The following SLC2A9 variants were observed in gnomAD, a reference collection of about 807,000 sequenced individuals.
The protein encoded by SLC2A9 is solute carrier family 2 member 9, also known as solute carrier family 2, facilitated glucose transporter member 9.
Under a neutral mutation model 50.6 loss-of-function variants are expected in SLC2A9, and 39 were observed. The ratio of observed to expected loss-of-function variants is 0.77; its 90% CI spans 0.60 to 1.01. The LOEUF (loss-of-function observed/expected upper bound fraction) is 1.01, where lower values mean the gene tolerates loss of function less well. SLC2A9 is among the 50% of genes least tolerant of loss of function. SLC2A9 has a pLI of 0.00. For missense variants in SLC2A9, 686 were observed against 677.6 expected, an observed-to-expected ratio of 1.01 and a Z score of -0.14; for synonymous variants, 324 against 276.9, an observed-to-expected ratio of 1.17 and a Z score of -1.69.
intron 10 of SLC2A9, among the ~76,000 whole-genome samples, chr4:9,848,944 C>T (rs1014678189): frequency 2.6e-5 from 4 of 152,286 alleles, no homozygotes; most frequent in Non-Finnish European, 5.9e-5. Context: ...CCTTGTGATC[C>T]GCCTGCCTCG....
chr4:9,844,247 C>T (rs1728588394), intron 10 of SLC2A9, among the ~76,000 whole-genome samples: 1 of 151,356 alleles, frequency 6.6e-6, no homozygotes, highest in Non-Finnish European at 1.5e-5. Context: ...TGTCCCTCAC[C>T]TTGAATTTAT....
chr4:9,879,172 G>T (rs1312681215), intron 10 of SLC2A9: 1 of 959,200 alleles, frequency 1.0e-6, no homozygotes, highest in Admixed American at 6.2e-5. Flanking sequence ...TGGGGGTGGG[G>T]ATACACTAGG....
intron 5 of SLC2A9, among the ~76,000 whole-genome samples, chr4:9,951,369 C>T (rs925942434): frequency 2.0e-5 from 3 of 152,018 alleles, no homozygotes; most frequent in Non-Finnish European, 2.9e-5. Context: ...AAGAGAAGCA[C>T]GCTGAAGGGT....
intron 3 of SLC2A9, among the ~76,000 whole-genome samples, chr4:9,817,616 T>A (rs1312789708): frequency 6.6e-6 from 1 of 152,174 alleles, no homozygotes; most frequent in African/African-American, 2.4e-5. Flanking sequence ...TTAAAACGTG[T>A]TTTAGAAACA....
intron 8 of SLC2A9, among the ~76,000 whole-genome samples, chr4:9,898,234 G>A (rs777085645): frequency 1.2e-4 from 18 of 152,156 alleles, no homozygotes; most frequent in Non-Finnish European, 2.5e-4. Context: ...AATGTTGCCT[G>A]CTAAATGATT....
At chr4:9,880,869 G>T (rs745844078) in intron 10 of SLC2A9, among the ~76,000 whole-genome samples, 2 of 152,184 alleles carry the variant, frequency 1.3e-5, no homozygotes, top group African/African-American at 2.4e-5. Context: ...GCTGCTCCAG[G>T]CCCCTGGCTG....
chr4:9,996,640 T>C lies in SLC2A9; in HGVS notation c.410+141A>G, dbSNP rs576698004. On this transcript the variant is annotated intron_variant, in intron 3 of 11. Coordinates refer to ENST00000264784, the MANE Select transcript of SLC2A9 (RefSeq NM_020041.3). The stretch of plus-strand genomic sequence containing the variant: ...CTTTGGACCTTGGTCTCTGATTTCT[T>C]CCCCTTTCCCCTTTGGGCATTTGAA... 2.1e-5 allele frequency: 22 copies of C among 1,052,612 alleles called. No individual in the cohort carries two copies. In the African/African-American group the frequency reaches 3.5e-4, roughly 17 times the overall value. The allele number at this position is 1,052,612 out of a possible 1,614,324, so 65.2% of individuals were successfully genotyped here. A position where few individuals can be genotyped will look rare whatever the true frequency, so the allele number is the denominator to read the frequency against.
At position 9,980,677 on chromosome 4, in the gene SLC2A9, C is replaced by T. The variant is rs751161148; in HGVS notation, c.596G>A (p.Gly199Asp). Residue 199 changes from glycine (G) to aspartate (D), a missense_variant, in exon 5 of 12, where the codon GGC (glycine) becomes GAC (aspartate). Coordinates refer to ENST00000264784, the MANE Select transcript of SLC2A9 (RefSeq NM_020041.3). ...GATGGCAGTCACCTGCCCCAGAGAG[C>T]CACGGATCTCCTTGGGTGAGATCTC... The part of the protein sequence containing the change: ...LSEISPKEIR[G>D]SLGQVTAIFI... 6.2e-7 allele frequency: 1 copy of T among 1,614,056 alleles called. No individual in the cohort carries two copies. The highest frequency in any genetic ancestry group is 8.5e-7 in the Non-Finnish European group (1 of 1,180,038).
chr4:9,971,880 G>A (rs1396038222), intron 5 of SLC2A9, among the ~76,000 whole-genome samples: 12 of 152,306 alleles, frequency 7.9e-5, no homozygotes, highest in South Asian at 2.1e-4. Flanking sequence ...AACCTTACAC[G>A]AGAAAATACT....
upstream of SLC2A9, among the ~76,000 whole-genome samples, chr4:10,024,730 G>A (rs1763696495): frequency 6.6e-6 from 1 of 152,190 alleles, no homozygotes; most frequent in South Asian, 2.1e-4. Flanking sequence ...ATCACTTCTG[G>A]AACTGACCTT....
intron 2 of SLC2A9, among the ~76,000 whole-genome samples, chr4:10,018,549 T>C (rs111597249): frequency 3.6e-5 from 4 of 110,664 alleles, no homozygotes; most frequent in Admixed American, 9.1e-5. Context: ...TCAAAGATGA[T>C]AGATAGATAG....
chr4:9,799,700 C>CCCCGA (rs1553813199), intron 3 of SLC2A9, among the ~76,000 whole-genome samples: 5 of 93,636 alleles, frequency 5.3e-5, no homozygotes, highest in Admixed American at 1.2e-4. Flanking sequence ...GTACCCCCCC[C>CCCCGA]CCACCCAACT....
At chr4:9,949,140 C>T (rs1310148786) in intron 5 of SLC2A9, among the ~76,000 whole-genome samples, 4 of 152,214 alleles carry the variant, frequency 2.6e-5, no homozygotes, top group Admixed American at 2.6e-4. Flanking sequence ...CATTAAAGCA[C>T]TTGTTATTCT....
At chr4:9,773,090 C>T (rs1717061181) in intron 1 of SLC2A9, among the ~76,000 whole-genome samples, 1 of 152,202 alleles carries the variant, frequency 6.6e-6, no homozygotes, top group Admixed American at 6.5e-5. Context: ...AGGTGGCAAG[C>T]TCCTGAGTTA....
chr4:9,919,605 T>A (rs939226567), intron 7 of SLC2A9, among the ~76,000 whole-genome samples: 1 of 152,116 alleles, frequency 6.6e-6, no homozygotes, highest in Non-Finnish European at 1.5e-5. Context: ...TCTCCCTCTC[T>A]CTGGGTTCAG....
At chr4:9,882,809 G>A (rs1374551015) in intron 10 of SLC2A9, among the ~76,000 whole-genome samples, 1 of 151,870 alleles carries the variant, frequency 6.6e-6, no homozygotes. Flanking sequence ...CAGAAACCAG[G>A]GAAATAAATG....
chr4:9,858,521 G>C (rs1731100238), intron 10 of SLC2A9, among the ~76,000 whole-genome samples: 1 of 152,136 alleles, frequency 6.6e-6, no homozygotes, highest in African/African-American at 2.4e-5. Flanking sequence ...TTGATGAGTA[G>C]AGACACTATG....
chr4:9,786,889 G>A (rs1171493015), intron 3 of SLC2A9, among the ~76,000 whole-genome samples: 1 of 152,180 alleles, frequency 6.6e-6, no homozygotes, highest in Non-Finnish European at 1.5e-5. Context: ...AGAGGCCAAA[G>A]ATGTTGCTAA....
chr4:9,774,788 T>TC (rs113358790), intron 1 of SLC2A9, among the ~76,000 whole-genome samples: 19 of 152,112 alleles, frequency 1.2e-4, no homozygotes, highest in African/African-American at 4.6e-4. Flanking sequence ...TCCTTCTTTT[T>TC]CTCTATCTTC....
Sources: gnomAD v4.1 joint callset for allele counts (sites outside exome capture counted in the v4.1 genomes callset) on GRCh38, gnomAD v4.1.1 for gene constraint, MANE v1.5 for transcripts, NCBI Gene and HGNC (gene_info 2026-07-23, HGNC 2026-07-21) for gene names.